Variants in THSD7A observed in about 807,000 individuals in gnomAD.
THSD7A encodes thrombospondin type-1 domain-containing protein 7A.
In THSD7A, 96 loss-of-function variants were observed where a neutral mutation model predicts 231.3. That is an observed-to-expected ratio of 0.41 (90% CI 0.35 to 0.49). The LOEUF (loss-of-function observed/expected upper bound fraction) is 0.49. THSD7A is among the 20% of genes least tolerant of loss of function. The pLI, the probability that THSD7A is intolerant of heterozygous loss-of-function variation, is 0.05. For missense variants in THSD7A, 2,290 were observed against 2,070.2 expected, an observed-to-expected ratio of 1.11 and a Z score of -2.06; for synonymous variants, 940 against 743.3, an observed-to-expected ratio of 1.26 and a Z score of -4.30.
At chr7:11,710,595 C>G (rs1780921583) in intron 1 of THSD7A, among the ~76,000 whole-genome samples, 2 of 150,862 alleles carry the variant, frequency 1.3e-5, no homozygotes, top group Admixed American at 1.3e-4. Flanking sequence ...AATTAACAAG[C>G]ACTTCTTGAG....
intron 1 of THSD7A, among the ~76,000 whole-genome samples, chr7:11,786,721 A>G (rs568206151): frequency 6.0e-5 from 9 of 150,912 alleles, no homozygotes; most frequent in East Asian, 3.9e-4. Flanking sequence ...TGAAAAACCA[A>G]TGTGTGCACA....
rs1785179260 is a variant in THSD7A, at chr7:11,831,121, C to T, written c.190+636G>A. Among the ~76,000 whole-genome samples the T allele has an allele frequency of 6.6e-6, 1 of 152,172 alleles. No homozygotes were observed. The highest frequency in any genetic ancestry group is 1.5e-5 in the Non-Finnish European group (1 of 68,012). ...CTGCTTTTGTTGGGTGGTTGAAAAA[C>T]AAAGCAAAACAATTCTCAAGGAAGG... On this transcript the variant is annotated intron_variant, in intron 1 of 27. Transcript: ENST00000423059. This position sits in a 1 kb window ranked among gnomAD's most constrained non-coding sequence, Gnocchi z 5.0.
intron 6 of THSD7A, among the ~76,000 whole-genome samples, chr7:11,514,878 A>AAG: frequency 6.6e-6 from 1 of 152,138 alleles, no homozygotes; most frequent in East Asian, 1.9e-4. Flanking sequence ...CTCCAAAACT[A>AAG]AGAACCACTA....
intron 1 of THSD7A, among the ~76,000 whole-genome samples, chr7:11,650,423 G>A (rs555291365): frequency 3.3e-5 from 5 of 152,180 alleles, no homozygotes; most frequent in African/African-American, 1.2e-4. Context: ...ACCAAAAAAT[G>A]AGAGTCTTAG....
chr7:11,763,097 A>T (rs1164726510), intron 1 of THSD7A, among the ~76,000 whole-genome samples: 1 of 152,196 alleles, frequency 6.6e-6, no homozygotes, highest in Non-Finnish European at 1.5e-5. Flanking sequence ...AGAAAAAGAC[A>T]AAAGCTAACA....
At chr7:11,610,815 A>G (rs931973303) in intron 2 of THSD7A, among the ~76,000 whole-genome samples, 1 of 152,180 alleles carries the variant, frequency 6.6e-6, no homozygotes, top group South Asian at 2.1e-4. Context: ...ATATTTGTTC[A>G]ACTTAATGGA....
At chr7:11,603,386 T>C (rs979241615) in intron 2 of THSD7A, among the ~76,000 whole-genome samples, 8 of 152,050 alleles carry the variant, frequency 5.3e-5, no homozygotes, top group Non-Finnish European at 8.8e-5. Context: ...CAACAGGTGC[T>C]GGAGAGGATG....
intron 15 of THSD7A, among the ~76,000 whole-genome samples, chr7:11,426,336 C>G (rs928878139): frequency 1.3e-5 from 2 of 152,116 alleles, no homozygotes; most frequent in Non-Finnish European, 2.9e-5. Context: ...TCCACTTGCA[C>G]TTTTTCCTTC....
intron 8 of THSD7A, among the ~76,000 whole-genome samples, chr7:11,471,970 T>A (rs1359709951): frequency 6.6e-6 from 1 of 152,152 alleles, no homozygotes; most frequent in African/African-American, 2.4e-5. Flanking sequence ...TAGCCCTGAA[T>A]AAATCAATGA....
intron 1 of THSD7A, among the ~76,000 whole-genome samples, chr7:11,644,813 G>A (rs1047110064): frequency 7.2e-5 from 11 of 151,746 alleles, no homozygotes; most frequent in Admixed American, 4.6e-4. Flanking sequence ...TTAAAAATAC[G>A]ATATCCTCTC....
At chr7:11,415,744 T>C (rs1045099746) in intron 17 of THSD7A, among the ~76,000 whole-genome samples, 5 of 152,176 alleles carry the variant, frequency 3.3e-5, no homozygotes, top group Non-Finnish European at 7.3e-5. Flanking sequence ...CCTGAACACC[T>C]CTTCAGAAAA....
chr7:11,507,761 G>A (rs186140389), intron 6 of THSD7A, among the ~76,000 whole-genome samples: 1 of 151,988 alleles, frequency 6.6e-6, no homozygotes, highest in African/African-American at 2.4e-5. Flanking sequence ...GGTTTTTATT[G>A]TAAGGCTTTA....
At position 11,783,522 on chromosome 7, in the gene THSD7A, A is replaced by G. The variant is rs78154414; in HGVS notation, c.190+48235T>C. ...CATTAAGGAGCAAGGGAGTTGAAGT[A>G]TAATTTTATAGATCAAACTTCACTG... On this transcript the variant is annotated intron_variant, in intron 1 of 27. Transcript: ENST00000423059. Among the ~76,000 whole-genome samples, 1,282 of 152,306 alleles carry G rather than the reference A, an allele frequency of 8.4e-3. 16 individuals carry two copies. The highest frequency in any genetic ancestry group is 0.029 in the African/African-American group (1,201 of 41,578).
intron 1 of THSD7A, among the ~76,000 whole-genome samples, chr7:11,682,009 G>A (rs1584203665): frequency 1.3e-5 from 2 of 151,940 alleles, no homozygotes; most frequent in Non-Finnish European, 2.9e-5. Context: ...ACCAAAGTAA[G>A]CATCATAAAT....
At chr7:11,408,089 C>T (rs531655995) in intron 19 of THSD7A, among the ~76,000 whole-genome samples, 42 of 152,090 alleles carry the variant, frequency 2.8e-4, no homozygotes, top group South Asian at 4.2e-4. Flanking sequence ...TAATGTTGTG[C>T]CATTTTATTG....
intron 1 of THSD7A, among the ~76,000 whole-genome samples, chr7:11,779,134 G>A (rs529149922): frequency 4.8e-4 from 73 of 152,214 alleles, no homozygotes; most frequent in African/African-American, 1.6e-3. Context: ...ACCAGAGATA[G>A]CTTTGACACC....
rs1442605792 is a variant in THSD7A at position 11,373,910 on chromosome 7, T to C, written c.*1884A>G. 6.6e-6 allele frequency: 1 copy of C among 152,110 alleles called. No homozygotes were observed. The highest frequency in any genetic ancestry group is 2.4e-5 in the African/African-American group (1 of 41,454). 9.4% of individuals were successfully genotyped at this position (152,110 alleles called of 1,614,324 possible). A position where few individuals can be genotyped will look rare whatever the true frequency, so the allele number is the denominator to read the frequency against. On this transcript the variant is annotated 3_prime_UTR_variant, in exon 28 of 28. Coordinates refer to ENST00000423059, the MANE Select transcript of THSD7A (RefSeq NM_015204.3). Reference sequence around the variant, plus strand: ...GCAATAATGTTGCCTGAAAATGGTATTGCTTTTTAATGGCACCTTTTGAGT... The same window carrying C: ...GCAATAATGTTGCCTGAAAATGGTACTGCTTTTTAATGGCACCTTTTGAGT...
At chr7:11,684,785 A>G (rs534269977) in intron 1 of THSD7A, among the ~76,000 whole-genome samples, 1 of 152,056 alleles carries the variant, frequency 6.6e-6, no homozygotes, top group Non-Finnish European at 1.5e-5. Flanking sequence ...TATTGTTAAA[A>G]TATCTATACT....
At chr7:11,589,293 A>G (rs1780055796) in intron 4 of THSD7A, among the ~76,000 whole-genome samples, 1 of 152,108 alleles carries the variant, frequency 6.6e-6, no homozygotes, top group Non-Finnish European at 1.5e-5. Context: ...TGCCAAATAC[A>G]ACACGCCCAT....
Sources: gnomAD v4.1 joint callset for allele counts (sites outside exome capture counted in the v4.1 genomes callset) on GRCh38, gnomAD v4.1.1 for gene constraint, Gnocchi (gnomAD v3.1) non-coding constraint, MANE v1.5 for transcripts, NCBI Gene and HGNC (gene_info 2026-07-23, HGNC 2026-07-21) for gene names.